Variants in FBN2 observed in about 807,000 individuals in gnomAD.
FBN2 encodes the protein fibrillin 2.
Under a neutral mutation model 355.6 loss-of-function variants are expected in FBN2, and 105 were observed. The observed-to-expected ratio is 0.30, with a 90% CI of 0.25 to 0.35. The LOEUF (loss-of-function observed/expected upper bound fraction) is 0.35. Among genes scored for constraint, FBN2 ranks in the 10% least tolerant of loss-of-function variants. The pLI is 1.00. For synonymous variants in FBN2, 1,350 were observed against 1,301.2 expected, an observed-to-expected ratio of 1.04 and a Z score of -0.81; for missense variants, 3,280 against 3,758.7, an observed-to-expected ratio of 0.87 and a Z score of 3.33.
At chr5:128,516,642 C>T (rs963642900) in intron 5 of FBN2, among the ~76,000 whole-genome samples, 2 of 152,014 alleles carry the variant, frequency 1.3e-5, no homozygotes, top group African/African-American at 4.8e-5. Context: ...TTAGGAGGAA[C>T]AAATATCTCT....
intron 7 of FBN2, among the ~76,000 whole-genome samples, chr5:128,438,174 T>C (rs1043534190): frequency 6.6e-6 from 1 of 152,182 alleles, no homozygotes; most frequent in Non-Finnish European, 1.5e-5. Context: ...GTATTTTTAG[T>C]AGAGACAGGG....
intron 36 of FBN2, among the ~76,000 whole-genome samples, chr5:128,317,093 C>T (rs202172461): frequency 6.6e-6 from 1 of 152,260 alleles, no homozygotes; most frequent in East Asian, 1.9e-4. Flanking sequence ...CTTGCACTGG[C>T]TTCTCCTTGT....
intron 5 of FBN2, among the ~76,000 whole-genome samples, chr5:128,518,940 T>A (rs1756357824): frequency 6.6e-6 from 1 of 152,168 alleles, no homozygotes; most frequent in Non-Finnish European, 1.5e-5. Flanking sequence ...CTTGACACTA[T>A]TTCATTTTTA....
intron 8 of FBN2, among the ~76,000 whole-genome samples, chr5:128,396,831 G>C (rs1752662278): frequency 1.3e-5 from 2 of 152,168 alleles, no homozygotes; most frequent in African/African-American, 4.8e-5. Flanking sequence ...CAAGAAGAAA[G>C]ATGTACCACA....
chr5:128,347,978 G>T (rs1000090111), intron 23 of FBN2, among the ~76,000 whole-genome samples: 1 of 151,874 alleles, frequency 6.6e-6, no homozygotes, highest in Non-Finnish European at 1.5e-5. Flanking sequence ...GGGGAGGGGG[G>T]GGTTCCCCAT....
At chr5:128,469,589 A>T (rs989045916) in intron 5 of FBN2, among the ~76,000 whole-genome samples, 40 of 151,814 alleles carry the variant, frequency 2.6e-4, no homozygotes, top group African/African-American at 9.2e-4. Context: ...TGACAAGCTT[A>T]TATTTGTATT....
chr5:128,389,486 G>C (rs1581257757), intron 11 of FBN2, among the ~76,000 whole-genome samples: 1 of 152,328 alleles, frequency 6.6e-6, no homozygotes, highest in East Asian at 1.9e-4. Flanking sequence ...CCGGCAGATG[G>C]GGGACACTCA....
intron 36 of FBN2, among the ~76,000 whole-genome samples, chr5:128,313,825 C>T (rs1054275264): frequency 7.1e-6 from 1 of 141,572 alleles, no homozygotes; most frequent in African/African-American, 2.7e-5. Context: ...TGCACTCCAG[C>T]CTGGGCAACA....
chr5:128,511,003 T>A (rs1756114243), intron 5 of FBN2, among the ~76,000 whole-genome samples: 1 of 152,172 alleles, frequency 6.6e-6, no homozygotes, highest in South Asian at 2.1e-4. Context: ...GGTGTTATGT[T>A]AAAAAATATT....
chr5:128,312,485 G>T, intron 37 of FBN2, 149 bp downstream of exon 37: 1 of 768,614 alleles, frequency 1.3e-6, no homozygotes, highest in Non-Finnish European at 2.2e-6. Flanking sequence ...ATTCTTGGCT[G>T]GTTTCAGAGT....
intron 7 of FBN2, among the ~76,000 whole-genome samples, chr5:128,418,471 C>G (rs1204093813): frequency 6.6e-6 from 1 of 151,944 alleles, no homozygotes; most frequent in Non-Finnish European, 1.5e-5. Flanking sequence ...TTTTCTGACC[C>G]AGGTATTTAT....
intron 5 of FBN2, among the ~76,000 whole-genome samples, chr5:128,490,566 G>A (rs1755473211): frequency 6.6e-6 from 1 of 152,178 alleles, no homozygotes; most frequent in Admixed American, 6.6e-5. Context: ...GTAATATCAA[G>A]TATATATAGT....
intron 8 of FBN2, among the ~76,000 whole-genome samples, chr5:128,406,649 C>A (rs1361617304): frequency 3.3e-5 from 5 of 152,116 alleles, no homozygotes; most frequent in Non-Finnish European, 4.4e-5. Flanking sequence ...GGTGCGGAGC[C>A]TATACAGCAT....
chr5:128,473,950 A>T (rs972825000), intron 5 of FBN2, among the ~76,000 whole-genome samples: 6 of 152,210 alleles, frequency 3.9e-5, no homozygotes, highest in Non-Finnish European at 8.8e-5. Context: ...TGGCCAAAGG[A>T]CTGCTTTCAC....
intron 6 of FBN2, among the ~76,000 whole-genome samples, chr5:128,455,332 T>C (rs940794180): frequency 1.3e-5 from 2 of 152,222 alleles, no homozygotes; most frequent in African/African-American, 2.4e-5. Context: ...TAATGTATAA[T>C]AAAATGGAAG....
In FBN2 at chr5:128,309,370, A is replaced by G. The variant is rs1749970703; in HGVS notation, c.5230T>C (p.Tyr1744His). Reference sequence around the variant, plus strand: ...TCATTCTCACAAGTGGTTCCATTATAGCTTCGGTAGCAAAAGCTTTTTCTC... The same window carrying G: ...TCATTCTCACAAGTGGTTCCATTATGGCTTCGGTAGCAAAAGCTTTTTCTC... ...DMRKSFCYRS[Y>H]NGTTCENELP... The change falls in exon 41 of 65, where the codon TAT becomes CAT. Residue 1744 changes from tyrosine (Y) to histidine (H), a missense_variant. Physicochemically the swap from Tyr to His is moderately conservative, Grantham distance 83. Coordinates refer to ENST00000262464, the MANE Select transcript of FBN2 (RefSeq NM_001999.4). 1.2e-6 allele frequency: 2 copies of G among 1,613,952 alleles called. No individual in the cohort carries two copies. The highest frequency in any genetic ancestry group is 2.7e-5 in the African/African-American group (2 of 74,946).
intron 11 of FBN2, 85 bp downstream of exon 11, chr5:128,391,933 A>T: frequency 7.6e-7 from 1 of 1,311,696 alleles, no homozygotes; most frequent in Non-Finnish European, 1.1e-6. Context: ...AAGACTTAAA[A>T]AAATCATATT....
At chr5:128,364,760 A>G in intron 17 of FBN2, 35 bp from the exon 18 acceptor site, 1 of 1,582,924 alleles carries the variant, frequency 6.3e-7, no homozygotes, top group East Asian at 2.2e-5. Context: ...TGCTATCAAC[A>G]AACATGTTAT....
chr5:128,315,013 G>A (rs932977173), intron 36 of FBN2, among the ~76,000 whole-genome samples: 2 of 152,150 alleles, frequency 1.3e-5, no homozygotes, highest in African/African-American at 4.8e-5. Context: ...ATGGGCCTGT[G>A]AGTTAATTCC....
Sources: gnomAD v4.1 joint callset for allele counts (sites outside exome capture counted in the v4.1 genomes callset) on GRCh38, gnomAD v4.1.1 for gene constraint, MANE v1.5 for transcripts, NCBI Gene and HGNC (gene_info 2026-07-23, HGNC 2026-07-21) for gene names.